KNDC1: variants seen among roughly 807,000 people sequenced by gnomAD.
The protein encoded by KNDC1 is kinase non-catalytic C-lobe domain containing 1.
KNDC1 carries 106 observed loss-of-function variants against 172.8 expected under a neutral mutation model. The observed-to-expected ratio is 0.61, with a 90% CI of 0.52 to 0.72. The LOEUF is 0.72. Among genes scored for constraint, KNDC1 ranks in the 30% least tolerant of loss-of-function variants. KNDC1 has a pLI of 0.00. For missense variants in KNDC1, 2,325 were observed against 2,394.5 expected (o/e 0.97, Z 0.61); for synonymous variants, 1,083 against 1,062.2 (o/e 1.02, Z -0.38).
At position 133,186,017 on chromosome 10, in the gene KNDC1, C is replaced by T. The variant is rs754168076; in HGVS notation, c.669C>T (p.Asn223=). Residue 223 remains asparagine, a synonymous_variant, in exon 6 of 30, where the codon AAC becomes AAT. Transcript: ENST00000304613. ...SSWRERPAPG[N]AGPRRPPGDP... The stretch of plus-strand genomic sequence containing the variant: ...GGCGGGAGAGACCTGCCCCAGGAAA[C>T]GCTGGGCCCAGGAGGCCGCCCGGGG... The T allele has an allele frequency of 1.7e-5, 27 of 1,578,554 alleles. No individual in the cohort carries two copies. Among genetic ancestry groups the T allele is most frequent in the Non-Finnish European group, 2.2e-5 (26 of 1,163,382 alleles).
At chr10:133,177,395 TGTG>T (rs1015360910) in intron 3 of KNDC1, among the ~76,000 whole-genome samples, 4 of 152,072 alleles carry the variant, frequency 2.6e-5, no homozygotes, top group Non-Finnish European at 4.4e-5. Context: ...CAGTATGGTG[TGTG>T]GTGTGTTTCA....
Position 133,224,441 on chromosome 10 carries a change from T to C in KNDC1, c.5019-218T>C, listed in dbSNP as rs1845678986. Among the ~76,000 whole-genome samples, 1 of 152,108 alleles carries C rather than the reference T, an allele frequency of 6.6e-6. No individual in the cohort carries two copies. The highest frequency in any genetic ancestry group is 2.4e-5 in the African/African-American group (1 of 41,428). ...CCTGCAGGGTTTCCATAAGCGTGTG[T>C]GGACTGAAATGTGGATGGATGGACA... On this transcript the variant is annotated intron_variant, in intron 29 of 29. Transcript: ENST00000304613. This position sits in a 1 kb window ranked among gnomAD's most constrained non-coding sequence, Gnocchi z 5.4.
At chr10:133,168,227 T>C in intron 2 of KNDC1, 27 bp from the exon 3 acceptor site, 1 of 1,608,098 alleles carries the variant, frequency 6.2e-7, no homozygotes. Flanking sequence ...CCAGAAGCCT[T>C]CTCTCCTTCT....
At chr10:133,195,607 T>G in intron 9 of KNDC1, 56 bp from the exon 10 acceptor site, 1 of 1,446,524 alleles carries the variant, frequency 6.9e-7, no homozygotes. Flanking sequence ...GCAGGTCTGC[T>G]GGGCACAGCA....
chr10:133,206,831 C>T lies in KNDC1; in HGVS notation c.3482-25C>T, dbSNP rs764218564. On this transcript the variant is annotated intron_variant, in intron 18 of 29. Coordinates refer to ENST00000304613, the MANE Select transcript of KNDC1 (RefSeq NM_152643.8). ...GACCCTGGCTGCAGGCAGCCCGGCC[C>T]CCACCCACTCTGCTCCACCCACAGG... 6.2e-6 allele frequency: 10 copies of T among 1,613,320 alleles called. No homozygotes were observed. In the South Asian group the frequency reaches 1.1e-4, roughly 18 times the overall value.
At chr10:133,197,556 G>C (rs1854229060) in intron 11 of KNDC1, 119 bp from the exon 12 acceptor site, 1 of 790,792 alleles carries the variant, frequency 1.3e-6, no homozygotes, top group African/African-American at 1.7e-5. Flanking sequence ...GCCATGCCCG[G>C]CTCCTCCCCA....
intron 20 of KNDC1, among the ~76,000 whole-genome samples, chr10:133,210,151 C>T (rs1435822413): frequency 5.3e-5 from 8 of 151,950 alleles, no homozygotes; most frequent in South Asian, 2.1e-4. Context: ...TTTGGGTGGC[C>T]GAGGCAGGCA....
chr10:133,164,612 G>A (rs891941889), intron 1 of KNDC1, among the ~76,000 whole-genome samples: 9 of 152,194 alleles, frequency 5.9e-5, no homozygotes, highest in African/African-American at 1.7e-4. Flanking sequence ...CGGCAGCCCC[G>A]CAGCCCGGCT....
At chr10:133,188,962 G>A (rs952693509) in intron 7 of KNDC1, among the ~76,000 whole-genome samples, 1 of 152,008 alleles carries the variant, frequency 6.6e-6, no homozygotes, top group Non-Finnish European at 1.5e-5. Context: ...CCTTGAAACC[G>A]GTGACTGTGC....
chr10:133,218,266 G>A (rs1246137876), intron 26 of KNDC1, among the ~76,000 whole-genome samples: 5 of 152,212 alleles, frequency 3.3e-5, no homozygotes, highest in Admixed American at 2.6e-4. Context: ...CTCAGAATAG[G>A]AATCCTGCTG....
At chr10:133,191,685 G>A (rs1035113879) in intron 9 of KNDC1, among the ~76,000 whole-genome samples, 2 of 152,162 alleles carry the variant, frequency 1.3e-5, no homozygotes, top group East Asian at 3.8e-4. Context: ...GGTTGACAGA[G>A]TGAGACTCAG....
At position 133,183,976 on chromosome 10, in the gene KNDC1, C is replaced by CGCTGCAGGGTGAGTTCTT. The variant is rs1853802933; in HGVS notation, c.613_614insCTGCAGGGTGAGTTCTTG (p.Phe204_Gly205insAlaAlaGlyTer). 1 of 1,583,300 alleles carries CGCTGCAGGGTGAGTTCTT rather than the reference C, an allele frequency of 6.3e-7. No individual in the cohort carries two copies. The highest frequency in any genetic ancestry group is 8.6e-7 in the Non-Finnish European group (1 of 1,159,064). ...GGAGGGTCCTCTCCATCGAGTCCTTCGGAGCGCTGCAGGGTGAGTTCTTGA... is the reference window on the plus strand; with the variant it reads ...GGAGGGTCCTCTCCATCGAGTCCTTCGCTGCAGGGTGAGTTCTTGGAGCGCTGCAGGGTGAGTTCTTGA... On this transcript the variant is annotated stop_gained and inframe_insertion, in exon 5 of 30. Transcript: ENST00000304613. LOFTEE classifies it high-confidence loss of function.
At chr10:133,160,595 C>A in intron 1 of KNDC1, 26 bp downstream of exon 1, 1 of 1,502,768 alleles carries the variant, frequency 6.7e-7, no homozygotes, top group Non-Finnish European at 9.0e-7. Context: ...CACTGGGGGG[C>A]CCCTTCCGCC....
At chr10:133,188,512 C>T (rs756471602) in intron 6 of KNDC1, 27 bp from the exon 7 acceptor site, 12 of 1,470,912 alleles carry the variant, frequency 8.2e-6, no homozygotes, top group East Asian at 2.5e-5. Context: ...GGTGTCCACA[C>T]TGACCTCGCC....
At position 133,185,970 on chromosome 10, in the gene KNDC1, C is replaced by A; in HGVS notation, c.626-4C>A. ...AGCCGTGACCACATCTTGCTTGTGCCCAGATGTCAGCGAGAGCAGCTGGCG... is the reference window on the plus strand; with the variant it reads ...AGCCGTGACCACATCTTGCTTGTGCACAGATGTCAGCGAGAGCAGCTGGCG... On this transcript the variant is annotated splice_region_variant and splice_polypyrimidine_tract_variant and intron_variant, in intron 5 of 29. Transcript: ENST00000304613. 7.5e-7 allele frequency: 1 copy of A among 1,330,796 alleles called. No individual in the cohort carries two copies. The highest frequency in any genetic ancestry group is 1.5e-5 in the South Asian group (1 of 66,396). The allele number at this position is 1,330,796 out of a possible 1,614,324, so 82.4% of individuals were successfully genotyped here. A position where few individuals can be genotyped will look rare whatever the true frequency, so the allele number is the denominator to read the frequency against.
chr10:133,169,528 A>G (rs1853302308), intron 3 of KNDC1, among the ~76,000 whole-genome samples: 1 of 152,246 alleles, frequency 6.6e-6, no homozygotes, highest in Non-Finnish European at 1.5e-5. Flanking sequence ...GAAACAAGTG[A>G]GGCTGGAGCC....
chr10:133,183,757 AGGCTCTGGGGACT>A, intron 4 of KNDC1, 102 bp from the exon 5 acceptor site: 1 of 893,504 alleles, frequency 1.1e-6, no homozygotes, highest in East Asian at 2.5e-5. Flanking sequence ...AGGCGCAGGC[AGGCTCTGGGGACT>A]GTCCCCAGGT....
chr10:133,195,982 G>A (rs898170745), intron 10 of KNDC1, among the ~76,000 whole-genome samples, 161 bp downstream of exon 10: 5 of 152,218 alleles, frequency 3.3e-5, no homozygotes, highest in South Asian at 2.1e-4. Context: ...CGGCCTGGCC[G>A]TCGCATGGGG....
At chr10:133,175,017 G>C (rs1305727304) in intron 3 of KNDC1, among the ~76,000 whole-genome samples, 1 of 150,258 alleles carries the variant, frequency 6.7e-6, no homozygotes, top group African/African-American at 2.5e-5. Context: ...ATGGATGGGT[G>C]GGTGGAAAGA....
Sources: allele counts gnomAD v4.1 joint callset (sites outside exome capture counted in the v4.1 genomes callset), GRCh38; gene constraint gnomAD v4.1.1; non-coding constraint Gnocchi (gnomAD v3.1); transcripts MANE v1.5; gene names NCBI Gene and HGNC (gene_info 2026-07-23, HGNC 2026-07-21).